The following STYXL2 variants were observed in gnomAD, a reference collection of about 807,000 sequenced individuals.
The protein encoded by STYXL2 is serine/threonine/tyrosine interacting like 2, also known as serine/threonine/tyrosine-interacting-like protein 2.
A neutral mutation model predicts 52.4 loss-of-function variants in STYXL2; 44 were observed. That is an observed-to-expected ratio of 0.84 (90% confidence interval 0.66 to 1.08). The LOEUF (loss-of-function observed/expected upper bound fraction) is 1.08, where lower values mean the gene tolerates loss of function less well. Ranked by LOEUF, STYXL2 falls within the 50% of genes least tolerant of loss-of-function variation. The pLI, the probability that STYXL2 is intolerant of heterozygous loss-of-function variation, is 0.00. For missense variants in STYXL2, 1,604 were observed against 1,471.7 expected (o/e 1.09, Z -1.47); for synonymous variants, 604 against 586.9 (o/e 1.03, Z -0.42).
intron 2 of STYXL2, 28 bp from the exon 3 acceptor site, chr1:167,113,682 A>T (rs1244021720): frequency 6.5e-7 from 1 of 1,541,762 alleles, no homozygotes. Context: ...CTACAGGCTT[A>T]TCTCACGTGA....
chr1:167,123,361 G>A (rs935927342), intron 5 of STYXL2, among the ~76,000 whole-genome samples: 1 of 152,178 alleles, frequency 6.6e-6, no homozygotes, highest in Non-Finnish European at 1.5e-5. Flanking sequence ...CCTGGTCTCC[G>A]CCAGACTGAG....
chr1:167,126,927 A>ATG lies in STYXL2; in HGVS notation c.1796_1797insTG (p.Lys599AsnfsTer82). ...GCCTGGAAGCTGAAACACCAGAAGA[A>ATG]GGTGGGCAGTGAGAACAAGGAGGAG... On this transcript the variant is annotated frameshift_variant, in exon 6 of 6. Transcript: ENST00000361200. LOFTEE classifies it low-confidence loss of function (END_TRUNC). 6.2e-7 allele frequency: 1 copy of ATG among 1,611,698 alleles called. No homozygotes were observed.
At chr1:167,098,231 C>T (rs1667334073) in intron 2 of STYXL2, among the ~76,000 whole-genome samples, 1 of 151,992 alleles carries the variant, frequency 6.6e-6, no homozygotes, top group South Asian at 2.1e-4. Context: ...AGCATTGTCT[C>T]GATCTCTTGA....
Position 167,128,190 on chromosome 1 carries a change from A to C in STYXL2, c.3059A>C (p.Lys1020Thr), listed in dbSNP as rs897104341. ...SSTREGREMH[K>T]FSRSTYNETS... is the part of the protein sequence containing the mutation. ...ACCAGGGAGGGCAGAGAGATGCACA[A>C]GTTCTCCAGGTCCACGTACAACGAG... The change falls in exon 6 of 6, where the codon AAG becomes ACG. Residue 1020 changes from lysine to threonine, a missense_variant. Coordinates refer to ENST00000361200, the MANE Select transcript of STYXL2 (RefSeq NM_001080426.3). The C allele has an allele frequency of 2.5e-6, 4 of 1,614,102 alleles. No individual in the cohort carries two copies. In the African/African-American group the frequency reaches 5.3e-5, roughly 22 times the overall value.
At chr1:167,125,083 T>G (rs1462337002) in intron 5 of STYXL2, among the ~76,000 whole-genome samples, 3 of 152,136 alleles carry the variant, frequency 2.0e-5, no homozygotes, top group Admixed American at 6.5e-5. Context: ...AAAATATATA[T>G]ATTTCGGGAA....
At chr1:167,109,706 CT>C (rs1667577529) in intron 2 of STYXL2, among the ~76,000 whole-genome samples, 1 of 152,162 alleles carries the variant, frequency 6.6e-6, no homozygotes, top group African/African-American at 2.4e-5. Context: ...TGTTTCCCCC[CT>C]ATACTACCGC....
chr1:167,095,428 C>G (rs1033058490), intron 2 of STYXL2, among the ~76,000 whole-genome samples: 1 of 152,052 alleles, frequency 6.6e-6, no homozygotes, highest in Non-Finnish European at 1.5e-5. Flanking sequence ...TATCCATAAT[C>G]AAGCTGTGTC....
intron 2 of STYXL2, among the ~76,000 whole-genome samples, chr1:167,105,921 A>T (rs2102227741): frequency 6.6e-6 from 1 of 152,246 alleles, no homozygotes; most frequent in Non-Finnish European, 1.5e-5. Context: ...CTCTTTTCTC[A>T]TTTACAAAGC....
chr1:167,116,637 C>CTT (rs1458043342), intron 3 of STYXL2, among the ~76,000 whole-genome samples: 2 of 123,862 alleles, frequency 1.6e-5, no homozygotes, highest in Non-Finnish European at 1.7e-5. Flanking sequence ...AATACTTCTA[C>CTT]TTTTTTTTTT....
intron 2 of STYXL2, among the ~76,000 whole-genome samples, chr1:167,104,407 G>A (rs1010009428): frequency 1.3e-5 from 2 of 152,046 alleles, no homozygotes; most frequent in African/African-American, 2.4e-5. Context: ...TTCCTGTCAC[G>A]GTGACACTGT....
At chr1:167,095,754 A>G (rs1055991832) in intron 2 of STYXL2, among the ~76,000 whole-genome samples, 1 of 152,252 alleles carries the variant, frequency 6.6e-6, no homozygotes, top group African/African-American at 2.4e-5. Context: ...ATTGGTGTGA[A>G]GAATAACTGA....
chr1:167,095,381 G>T (rs1376567753), intron 2 of STYXL2, among the ~76,000 whole-genome samples: 3 of 151,630 alleles, frequency 2.0e-5, no homozygotes, highest in Non-Finnish European at 4.4e-5. Flanking sequence ...GAGAGGAGAA[G>T]CCCATGGAAG....
intron 2 of STYXL2, among the ~76,000 whole-genome samples, chr1:167,103,938 G>A (rs565977316): frequency 2.0e-5 from 3 of 152,212 alleles, no homozygotes; most frequent in South Asian, 2.1e-4. Flanking sequence ...TGGCTAACAC[G>A]GTGAAACCCC....
At chr1:167,125,009 T>G (rs1667933632) in intron 5 of STYXL2, among the ~76,000 whole-genome samples, 1 of 148,562 alleles carries the variant, frequency 6.7e-6, no homozygotes, top group African/African-American at 2.5e-5. Context: ...GTAGCTAGAA[T>G]AGTAAGGGAA....
In STYXL2 at chr1:167,127,298, A is replaced by G; in HGVS notation, c.2167A>G (p.Ile723Val). Residue 723 changes from isoleucine to valine, a missense_variant, in exon 6 of 6, where the codon ATC becomes GTC. Physicochemically the swap from Ile to Val is conservative, Grantham distance 29. Transcript: ENST00000361200. ...TGGAGACACCATTTCCATTGCCAGT[A>G]TCCAGAACTGGATTGCCAATGTAGT... ...GPGDTISIAS[I>V]QNWIANVVSE... The G allele has an allele frequency of 5.6e-6, 9 of 1,614,226 alleles. No homozygotes were observed. The highest frequency in any genetic ancestry group is 7.6e-6 in the Non-Finnish European group (9 of 1,180,036).
chr1:167,114,778 A>G (rs1667691641), intron 3 of STYXL2, among the ~76,000 whole-genome samples: 1 of 150,660 alleles, frequency 6.6e-6, no homozygotes, highest in African/African-American at 2.5e-5. Context: ...TTTTTCTTCC[A>G]TACCTGGGGT....
rs868511245 is a variant in STYXL2, at chr1:167,128,463, G to T, written c.3332G>T (p.Arg1111Met). 6.2e-7 allele frequency: 1 copy of T among 1,614,000 alleles called. No homozygotes were observed. The highest frequency in any genetic ancestry group is 1.3e-5 in the African/African-American group (1 of 74,998). Reference protein sequence around the residue: ...KERTENREEGRFASGRRSQYR... With the variant: ...KERTENREEGMFASGRRSQYR... Reference sequence around the variant, plus strand: ...AGGACAGAAAACAGAGAAGAAGGGAGGTTTGCATCTGGACGGCGGTCCCAG... The same window carrying T: ...AGGACAGAAAACAGAGAAGAAGGGATGTTTGCATCTGGACGGCGGTCCCAG... The change falls in exon 6 of 6, where the codon AGG becomes ATG. Residue 1111 changes from arginine (R) to methionine (M), a missense_variant. Coordinates refer to ENST00000361200, the MANE Select transcript of STYXL2 (RefSeq NM_001080426.3).
At chr1:167,102,499 A>T (rs2102224302) in intron 2 of STYXL2, among the ~76,000 whole-genome samples, 1 of 152,258 alleles carries the variant, frequency 6.6e-6, no homozygotes, top group Non-Finnish European at 1.5e-5. Flanking sequence ...GTAGAGAATA[A>T]ATAATACAAC....
chr1:167,125,925 A>G lies in STYXL2; in HGVS notation c.794A>G (p.Glu265Gly), dbSNP rs771451640. The G allele has an allele frequency of 8.1e-6, 13 of 1,613,974 alleles. No homozygotes were observed. In the African/African-American group the frequency reaches 1.6e-4, roughly 20 times the overall value. Residue 265 changes from glutamate to glycine, a missense_variant, in exon 6 of 6, where the codon GAG becomes GGG. Transcript: ENST00000361200. Reference sequence around the variant, plus strand: ...AAGAAGCGGGCCATCTACCCCAATGAGGGCTTCCTGAAGCAGCTGCGGGAG... The same window carrying G: ...AAGAAGCGGGCCATCTACCCCAATGGGGGCTTCCTGAAGCAGCTGCGGGAG... ...VRKKRAIYPN[E>G]GFLKQLRELN...
Sources: gnomAD v4.1 joint callset for allele counts (sites outside exome capture counted in the v4.1 genomes callset) on GRCh38, gnomAD v4.1.1 for gene constraint, MANE v1.5 for transcripts, NCBI Gene and HGNC (gene_info 2026-07-23, HGNC 2026-07-21) for gene names.